GRHL3: variants seen among roughly 807,000 people sequenced by gnomAD.
GRHL3 encodes the protein grainyhead like transcription factor 3.
In GRHL3, 20 loss-of-function variants were observed where a neutral mutation model predicts 70.3. The ratio of observed to expected loss-of-function variants is 0.28; its 90% CI spans 0.20 to 0.41. The LOEUF is 0.41. GRHL3 is among the 10% of genes least tolerant of loss of function. The pLI is 1.00. For synonymous variants in GRHL3, 299 were observed against 299.9 expected (o/e 1.00, Z 0.03); for missense variants, 637 against 762.3 (o/e 0.84, Z 1.94).
At chr1:24,353,780 G>A (rs1640607395) in intron 15 of GRHL3, among the ~76,000 whole-genome samples, 1 of 152,210 alleles carries the variant, frequency 6.6e-6, no homozygotes, top group Non-Finnish European at 1.5e-5. Flanking sequence ...CAGCCATGAA[G>A]ATTCCGTCTC....
At chr1:24,336,915 G>GC in intron 4 of GRHL3, 88 bp downstream of exon 4, 1 of 1,293,812 alleles carries the variant, frequency 7.7e-7, no homozygotes, top group Non-Finnish European at 1.1e-6. Flanking sequence ...CAGAGCTTTG[G>GC]AATCCATGGG....
rs555294528 is a variant in GRHL3, at chr1:24,334,544, C to A, written c.205-101C>A. 2 of 852,522 alleles carry A rather than the reference C, an allele frequency of 2.3e-6. No individual in the cohort carries two copies. Among genetic ancestry groups the A allele is most frequent in the East Asian group, 2.5e-5 (1 of 39,804 alleles). 52.8% of individuals were successfully genotyped at this position (852,522 alleles called of 1,614,324 possible). On this transcript the variant is annotated intron_variant, in intron 2 of 15. Transcript: ENST00000361548. This position sits in a 1 kb window ranked among gnomAD's most constrained non-coding sequence, Gnocchi z 4.3. ...GTGGGGACACAGCCGAACCATATCA[C>A]CAAAGTTACTCCCCTGCCTGGCCAA...
chr1:24,358,503 G>A (rs199684576), downstream of GRHL3: 336 of 1,520,936 alleles, frequency 2.2e-4, 1 homozygote, highest in Non-Finnish European at 2.7e-4. Flanking sequence ...GGGCAGGGTG[G>A]GCTGGTGGCT....
Position 24,332,557 on chromosome 1 carries a change from G to C in GRHL3, c.204+945G>C, listed in dbSNP as rs16829445. Among the ~76,000 whole-genome samples, 479 of 152,290 alleles carry C rather than the reference G, an allele frequency of 3.1e-3. 5 individuals carry two copies. The East Asian group carries it at 0.035, about 11-fold the overall frequency. ...AGGCTGCAGAATCTTTGTCAATGTA[G>C]TAATCCAGGTAGGCCCTACTTATCT... On this transcript the variant is annotated intron_variant, in intron 2 of 15. Coordinates refer to ENST00000361548, the MANE Select transcript of GRHL3 (RefSeq NM_198173.3).
intron 2 of GRHL3, among the ~76,000 whole-genome samples, chr1:24,331,981 ACAC>A (rs1639632460): frequency 6.6e-6 from 1 of 152,174 alleles, no homozygotes; most frequent in Admixed American, 6.5e-5. Flanking sequence ...AGTCTTCAGC[ACAC>A]CATACAGCCT....
chr1:24,338,197 C>A, intron 7 of GRHL3, 94 bp downstream of exon 7: 1 of 804,668 alleles, frequency 1.2e-6, no homozygotes, highest in Non-Finnish European at 1.9e-6. Context: ...TGTTTCCCTA[C>A]CTGGCTCTGA....
chr1:24,331,735 C>A, intron 2 of GRHL3, 123 bp downstream of exon 2: 2 of 701,904 alleles, frequency 2.8e-6, no homozygotes, highest in Admixed American at 2.9e-5. Flanking sequence ...TTGCACAATG[C>A]TGTTCCCTCT....
chr1:24,336,910 C>T (rs997506645), intron 4 of GRHL3, 83 bp downstream of exon 4: 3 of 1,320,070 alleles, frequency 2.3e-6, no homozygotes, highest in African/African-American at 2.9e-5. Flanking sequence ...CAGATCAGAG[C>T]TTTGGAATCC....
chr1:24,348,371 A>G (rs960359298), intron 14 of GRHL3, among the ~76,000 whole-genome samples: 3 of 152,040 alleles, frequency 2.0e-5, no homozygotes, highest in Admixed American at 1.3e-4. Flanking sequence ...TGCCAGGGTT[A>G]CTCAGCTCCA....
At chr1:24,338,647 A>G (rs1639919926) in intron 7 of GRHL3, among the ~76,000 whole-genome samples, 1 of 152,178 alleles carries the variant, frequency 6.6e-6, no homozygotes, top group Non-Finnish European at 1.5e-5. Flanking sequence ...AAATGGGCTG[A>G]GGCCAGCTGC....
At position 24,349,022 on chromosome 1, in the gene GRHL3, C is replaced by T. The variant is rs147634219; in HGVS notation, c.1630-1036C>T. On this transcript the variant is annotated intron_variant, in intron 14 of 15. Transcript: ENST00000361548. ...AGCCCTTTACACAATCGTCTCAGTTCGTGTGCAGAACCACAGTGTGTGTAC... is the reference window on the plus strand; with the variant it reads ...AGCCCTTTACACAATCGTCTCAGTTTGTGTGCAGAACCACAGTGTGTGTAC... Among the ~76,000 whole-genome samples the T allele has an allele frequency of 9.2e-5, 14 of 152,312 alleles. No homozygotes were observed. The East Asian group carries it at 2.1e-3, about 23-fold the overall frequency.
chr1:24,342,047 A>T lies in GRHL3; in HGVS notation c.1048-68A>T. 7.1e-7 allele frequency: 1 copy of T among 1,399,964 alleles called. No individual in the cohort carries two copies. Among genetic ancestry groups the T allele is most frequent in the Admixed American group, 2.2e-5 (1 of 44,588 alleles). The allele number at this position is 1,399,964 out of a possible 1,614,324, so 86.7% of individuals were successfully genotyped here. On this transcript the variant is annotated intron_variant, in intron 8 of 15. Coordinates refer to ENST00000361548, the MANE Select transcript of GRHL3 (RefSeq NM_198173.3). This position sits in a 1 kb window ranked among gnomAD's most constrained non-coding sequence, Gnocchi z 4.8. ...GCACACAGAAAGCTAGAAATACAGG[A>T]TCACTGTGGGACGGTGGGGCTGGCC...
rs376523924 is a variant in GRHL3, at chr1:24,360,804, G to C, written c.1695-3381G>C. The stretch of plus-strand genomic sequence containing the variant: ...TTTGATGACCCAAGAATGACAAACA[G>C]TTCCAGAAGATTTGGTTTTTACAAT... On this transcript the variant is annotated intron_variant, in intron 15 of 15. Coordinates refer to the GRHL3 transcript ENST00000350501. 2.0e-6 allele frequency: 3 copies of C among 1,518,644 alleles called. No homozygotes were observed. The Admixed American group carries it at 5.9e-5, about 30-fold the overall frequency. 94.1% of individuals were successfully genotyped at this position (1,518,644 alleles called of 1,614,324 possible). A position where few individuals can be genotyped will look rare whatever the true frequency, so the allele number is the denominator to read the frequency against.
chr1:24,347,661 C>A, intron 14 of GRHL3, 108 bp downstream of exon 14: 1 of 906,606 alleles, frequency 1.1e-6, no homozygotes, highest in Non-Finnish European at 1.8e-6. Context: ...CTTGGCATGC[C>A]GGTGGCCTAC....
chr1:24,331,633 C>A, intron 2 of GRHL3, 21 bp downstream of exon 2: 1 of 1,597,776 alleles, frequency 6.3e-7, no homozygotes, highest in Non-Finnish European at 8.5e-7. Flanking sequence ...CCCCTCTGGA[C>A]ATGCCCCGTT....
At chr1:24,364,329 C>T (rs1265110773) in exon 16 of GRHL3, 1 of 1,549,466 alleles carries the variant, frequency 6.5e-7, no homozygotes, top group Admixed American at 2.0e-5. Flanking sequence ...ATCCCAGCCC[C>T]ACCACCGTCA....
downstream of GRHL3, chr1:24,358,336 G>A (rs1257697992): frequency 2.9e-6 from 2 of 692,222 alleles, no homozygotes; most frequent in East Asian, 2.7e-5. Context: ...CTGTGGGGCT[G>A]GGGTGAAGTC....
chr1:24,364,307 A>T, exon 16 of GRHL3: 1 of 1,549,876 alleles, frequency 6.5e-7, no homozygotes, highest in South Asian at 1.2e-5. Flanking sequence ...AGGCAGAGGG[A>T]CCTGGATTCA....
intron 15 of GRHL3, among the ~76,000 whole-genome samples, chr1:24,351,275 A>G (rs1640492910): frequency 6.6e-6 from 1 of 152,056 alleles, no homozygotes. Flanking sequence ...CCATCTCATC[A>G]GGCCTAGGGG....
Sources: gnomAD v4.1 joint callset for allele counts (sites outside exome capture counted in the v4.1 genomes callset) on GRCh38, gnomAD v4.1.1 for gene constraint, Gnocchi (gnomAD v3.1) non-coding constraint, MANE v1.5 for transcripts, NCBI Gene and HGNC (gene_info 2026-07-23, HGNC 2026-07-21) for gene names.